FCHSD2: variants seen among roughly 807,000 people sequenced by gnomAD.
FCHSD2 encodes F-BAR and double SH3 domains protein 2.
Under a neutral mutation model 108.1 loss-of-function variants are expected in FCHSD2, and 38 were observed. The ratio of observed to expected loss-of-function variants is 0.35; its 90% CI spans 0.27 to 0.46. The LOEUF is 0.46. FCHSD2 is among the 20% of genes least tolerant of loss of function. FCHSD2 has a pLI of 1.00. For missense variants in FCHSD2, 751 were observed against 897.8 expected, an observed-to-expected ratio of 0.84 and a Z score of 2.09; for synonymous variants, 279 against 314.7, an observed-to-expected ratio of 0.89 and a Z score of 1.20.
intron 9 of FCHSD2, among the ~76,000 whole-genome samples, chr11:72,916,857 C>T (rs1855883760): frequency 6.6e-6 from 1 of 152,038 alleles, no homozygotes; most frequent in African/African-American, 2.4e-5. Context: ...GAATGCACTG[C>T]CAAATCAAGG....
At chr11:72,869,877 C>T (rs1162795489) in intron 12 of FCHSD2, among the ~76,000 whole-genome samples, 3 of 152,108 alleles carry the variant, frequency 2.0e-5, no homozygotes, top group African/African-American at 7.2e-5. Flanking sequence ...TCATGTTGCT[C>T]CCCAGTTTAA....
intron 2 of FCHSD2, among the ~76,000 whole-genome samples, chr11:73,087,092 G>A (rs1859834499): frequency 6.6e-6 from 1 of 152,132 alleles, no homozygotes; most frequent in African/African-American, 2.4e-5. Flanking sequence ...GCATGTTACT[G>A]CCCCTGAAGA....
chr11:72,945,213 G>A lies in FCHSD2; in HGVS notation c.706-23263C>T, dbSNP rs574646457. ...TACCAAAACAGAGATATAGACCAATGGAACAGAACAGAGCCCTCAGAAATA... is the reference window on the plus strand; with the variant it reads ...TACCAAAACAGAGATATAGACCAATAGAACAGAACAGAGCCCTCAGAAATA... On this transcript the variant is annotated intron_variant, in intron 8 of 19. Transcript: ENST00000409418. Among the ~76,000 whole-genome samples, 546 of 152,174 alleles carry A rather than the reference G, an allele frequency of 3.6e-3. 1 individual carries two copies. The highest frequency in any genetic ancestry group is 0.012 in the African/African-American group (518 of 41,508).
intron 12 of FCHSD2, among the ~76,000 whole-genome samples, chr11:72,880,832 CACTCCAGCCTGGGTG>C (rs1415790035): frequency 6.7e-6 from 1 of 149,990 alleles, no homozygotes. Flanking sequence ...TGTGCCACTG[CACTCCAGCCTGGGTG>C]ACAGAGTGAT....
At position 72,900,363 on chromosome 11, in the gene FCHSD2, T is replaced by C. The variant is rs922448092; in HGVS notation, c.924+2180A>G. Reference sequence around the variant, plus strand: ...AAAGATTGCACAAGGACAAAAAACATAGCATAGAGTTAGAAATTTAAGGCA... The same window carrying C: ...AAAGATTGCACAAGGACAAAAAACACAGCATAGAGTTAGAAATTTAAGGCA... On this transcript the variant is annotated intron_variant, in intron 10 of 19. Transcript: ENST00000409418. 112 of 1,428,932 alleles carry C rather than the reference T, an allele frequency of 7.8e-5. No homozygotes were observed. In the African/African-American group the frequency reaches 1.4e-3, roughly 18 times the overall value. 88.5% of individuals were successfully genotyped at this position (1,428,932 alleles called of 1,614,324 possible). A position where few individuals can be genotyped will look rare whatever the true frequency, so the allele number is the denominator to read the frequency against.
intron 5 of FCHSD2, among the ~76,000 whole-genome samples, chr11:72,997,470 C>T (rs142693354): frequency 7.8e-4 from 118 of 152,162 alleles, no homozygotes; most frequent in African/African-American, 2.7e-3. Context: ...TATTGTGAGT[C>T]ATAATCAAAC....
intron 12 of FCHSD2, among the ~76,000 whole-genome samples, chr11:72,876,208 T>C (rs1254238696): frequency 6.6e-6 from 1 of 152,142 alleles, no homozygotes; most frequent in African/African-American, 2.4e-5. Context: ...TACATGCCTG[T>C]AGTCCCAGCT....
intron 8 of FCHSD2, among the ~76,000 whole-genome samples, chr11:72,960,406 G>A (rs1371763485): frequency 6.6e-6 from 1 of 152,182 alleles, no homozygotes; most frequent in African/African-American, 2.4e-5. Context: ...ATATGCTCTA[G>A]TCTGCTGCTC....
intron 2 of FCHSD2, among the ~76,000 whole-genome samples, chr11:73,088,195 T>C (rs1170827633): frequency 6.6e-6 from 1 of 152,200 alleles, no homozygotes; most frequent in Non-Finnish European, 1.5e-5. Context: ...TCATACCATA[T>C]TTTTGTTGTA....
At chr11:72,962,451 G>C (rs1455157668) in intron 8 of FCHSD2, among the ~76,000 whole-genome samples, 2 of 152,180 alleles carry the variant, frequency 1.3e-5, no homozygotes, top group Non-Finnish European at 2.9e-5. Flanking sequence ...GAGGTCCTGA[G>C]ACAAAAACGT....
chr11:73,046,766 A>C (rs1858777163), intron 3 of FCHSD2, among the ~76,000 whole-genome samples: 1 of 152,140 alleles, frequency 6.6e-6, no homozygotes, highest in South Asian at 2.1e-4. Flanking sequence ...TTGATTGATT[A>C]AGACAGGGAT....
chr11:73,129,402 G>C (rs887931449), intron 2 of FCHSD2, among the ~76,000 whole-genome samples: 1 of 152,146 alleles, frequency 6.6e-6, no homozygotes, highest in African/African-American at 2.4e-5. Flanking sequence ...AGCCGCCCCC[G>C]CATTGCTCAC....
At chr11:73,030,250 A>T (rs1477113880) in intron 3 of FCHSD2, among the ~76,000 whole-genome samples, 1 of 152,186 alleles carries the variant, frequency 6.6e-6, no homozygotes, top group African/African-American at 2.4e-5. Flanking sequence ...CAAGACACTT[A>T]TCGGAAGATG....
intron 13 of FCHSD2, among the ~76,000 whole-genome samples, chr11:72,865,748 G>A (rs1339583313): frequency 6.6e-6 from 1 of 152,116 alleles, no homozygotes; most frequent in Non-Finnish European, 1.5e-5. Flanking sequence ...GAGTTGGTGG[G>A]GGTGGGGAGT....
chr11:72,936,771 T>C (rs1856311191), intron 8 of FCHSD2, among the ~76,000 whole-genome samples: 1 of 152,222 alleles, frequency 6.6e-6, no homozygotes, highest in Non-Finnish European at 1.5e-5. Flanking sequence ...TTTGATTCCT[T>C]TTTATAATTT....
intron 11 of FCHSD2, 39 bp from the exon 12 acceptor site, chr11:72,887,613 T>G: frequency 7.8e-7 from 1 of 1,283,260 alleles, no homozygotes; most frequent in Non-Finnish European, 1.1e-6. Flanking sequence ...GACTGTTTTT[T>G]ACTTTTCATC....
chr11:72,931,829 A>T (rs1856199590), intron 8 of FCHSD2, among the ~76,000 whole-genome samples: 1 of 152,204 alleles, frequency 6.6e-6, no homozygotes, highest in Non-Finnish European at 1.5e-5. Context: ...GTCAAATAGA[A>T]TTGCACAGAC....
In FCHSD2 at chr11:72,985,179, T is replaced by C. The variant is rs112953894; in HGVS notation, c.522-63A>G. 7.2e-3 allele frequency: 2,763 copies of C among 385,516 alleles called. 64 individuals carry two copies. Among genetic ancestry groups the C allele is most frequent in the African/African-American group, 0.049 (2,324 of 47,134 alleles). The allele number at this position is 385,516 out of a possible 1,614,324, so 23.9% of individuals were successfully genotyped here. On this transcript the variant is annotated intron_variant, in intron 6 of 19. Transcript: ENST00000409418. ...TCTAATTATATCACAATAAAATTAC[T>C]AAATATATTATTAAAATTTAAAAAT... is the stretch of plus-strand genomic sequence containing the variant.
At chr11:72,871,027 C>T (rs748882925) in intron 12 of FCHSD2, among the ~76,000 whole-genome samples, 12 of 151,686 alleles carry the variant, frequency 7.9e-5, no homozygotes, top group Non-Finnish European at 1.8e-4. Context: ...GCAGAAATAG[C>T]AGAGATTGAG....
Sources: gnomAD v4.1 joint callset for allele counts (sites outside exome capture counted in the v4.1 genomes callset) on GRCh38, gnomAD v4.1.1 for gene constraint, MANE v1.5 for transcripts, NCBI Gene and HGNC (gene_info 2026-07-23, HGNC 2026-07-21) for gene names.